The following MAML1 variants were observed in gnomAD, a reference collection of about 807,000 sequenced individuals.
The protein encoded by MAML1 is mastermind like transcriptional coactivator 1, also known as mastermind-like protein 1.
A neutral mutation model predicts 77.1 loss-of-function variants in MAML1; 14 were observed. That is an observed-to-expected ratio of 0.18 (90% CI 0.12 to 0.28). MAML1 has a LOEUF of 0.28. Ranked by LOEUF, MAML1 falls within the 10% of genes least tolerant of loss-of-function variation. The probability of loss-of-function intolerance (pLI) is 1.00; values close to 1 mark genes in which losing one functional copy is unlikely to be tolerated. For synonymous variants in MAML1, 516 were observed against 551.9 expected (o/e 0.93, Z 0.91); for missense variants, 1,217 against 1,327.8 (o/e 0.92, Z 1.30).
intron 1 of MAML1, among the ~76,000 whole-genome samples, chr5:179,762,502 A>G (rs1779742179): frequency 1.3e-5 from 2 of 152,108 alleles, no homozygotes; most frequent in South Asian, 4.2e-4. Context: ...TGATCATATT[A>G]TCTCCCAGGA....
chr5:179,751,322 C>G (rs1221403062), intron 1 of MAML1, among the ~76,000 whole-genome samples: 4 of 152,184 alleles, frequency 2.6e-5, no homozygotes, highest in Non-Finnish European at 4.4e-5. Context: ...TCAGCCAGGT[C>G]AGGTTCTTAA....
chr5:179,743,669 C>T (rs1779326625), intron 1 of MAML1, among the ~76,000 whole-genome samples: 1 of 151,974 alleles, frequency 6.6e-6, no homozygotes, highest in Non-Finnish European at 1.5e-5. Context: ...CCGGCCCTCG[C>T]TCACACATTT....
chr5:179,766,130 C>A lies in MAML1; in HGVS notation c.1120C>A (p.Gln374Lys), dbSNP rs1240453900. Residue 374 changes from glutamine (Q) to lysine (K), a missense_variant, in exon 2 of 5, where the codon CAA becomes AAA. Gln to Lys is a moderately conservative substitution (Grantham distance 53). Transcript: ENST00000292599. This position sits in a 1 kb window ranked among gnomAD's most constrained non-coding sequence, Gnocchi z 4.0. ...GGCATCAGCCCAGGCCCAGAACGCA[C>A]AAAGAGCCCTTGCAGGTGTGGTATT... ...MPASAQAQNAQRALAGVVLPS... is the reference protein window; with the variant it reads ...MPASAQAQNAKRALAGVVLPS... The A allele has an allele frequency of 1.9e-6, 3 of 1,575,306 alleles. No individual in the cohort carries two copies. The East Asian group carries it at 6.7e-5, about 35-fold the overall frequency.
chr5:179,774,590 A>G lies in MAML1; in HGVS notation c.2764A>G (p.Thr922Ala). The G allele has an allele frequency of 6.2e-7, 1 of 1,612,352 alleles. No homozygotes were observed. The highest frequency in any genetic ancestry group is 8.5e-7 in the Non-Finnish European group (1 of 1,179,742). ...TSAPAPAPPP[T>A]APQQGLPGLS... ...CGCCCCTGCCCCAGCACCACCCCCA[A>G]CAGCCCCTCAGCAGGGCTTGCCTGG... The change falls in exon 5 of 5, where the codon ACA (threonine) becomes GCA (alanine). Residue 922 changes from threonine (T) to alanine (A), a missense_variant. By Grantham distance (58) the Thr-to-Ala change is moderately conservative (BLOSUM62 0). Transcript: ENST00000292599.
chr5:179,766,817 T>C lies in MAML1; in HGVS notation c.1731+76T>C, dbSNP rs1453229772. On this transcript the variant is annotated intron_variant, in intron 2 of 4. Coordinates refer to ENST00000292599, the MANE Select transcript of MAML1 (RefSeq NM_014757.5). The surrounding 1 kb of genome is among the most constrained non-coding windows in gnomAD (Gnocchi z 4.0). ...GGTTACTCACTACTTTGGATGTTAA[T>C]TGGATCCGAGGTAGTTGTGGGAAGA... 11 of 1,260,086 alleles carry C rather than the reference T, an allele frequency of 8.7e-6. No individual in the cohort carries two copies. The East Asian group carries it at 2.8e-4, about 32-fold the overall frequency. The allele number at this position is 1,260,086 out of a possible 1,614,324, so 78.1% of individuals were successfully genotyped here.
chr5:179,735,055 G>A (rs1019244516), intron 1 of MAML1, among the ~76,000 whole-genome samples: 4 of 152,114 alleles, frequency 2.6e-5, no homozygotes, highest in East Asian at 1.9e-4. Flanking sequence ...GGATAGCATT[G>A]GGAGATATAC....
At chr5:179,746,089 A>G (rs1344099796) in intron 1 of MAML1, among the ~76,000 whole-genome samples, 1 of 151,422 alleles carries the variant, frequency 6.6e-6, no homozygotes, top group Non-Finnish European at 1.5e-5. Flanking sequence ...CACACCTGTA[A>G]TCCCAGCACT....
intron 1 of MAML1, among the ~76,000 whole-genome samples, chr5:179,750,930 CG>C (rs1478129634): frequency 2.1e-4 from 32 of 152,176 alleles, no homozygotes; most frequent in Non-Finnish European, 1.2e-4. Context: ...CGGCAGGTCC[CG>C]GGGGCTTCCC....
At chr5:179,740,237 G>A (rs896124013) in intron 1 of MAML1, among the ~76,000 whole-genome samples, 3 of 152,164 alleles carry the variant, frequency 2.0e-5, no homozygotes, top group Non-Finnish European at 4.4e-5. Context: ...ACCAGATCAA[G>A]TGCAGTAGGA....
chr5:179,751,140 A>AT (rs2113351815), intron 1 of MAML1, among the ~76,000 whole-genome samples: 1 of 151,980 alleles, frequency 6.6e-6, no homozygotes, highest in East Asian at 2.0e-4. Flanking sequence ...TGCGTAGCTA[A>AT]TTTTTTATTT....
At position 179,732,894 on chromosome 5, in the gene MAML1, G is replaced by C. The variant is rs1779090292; in HGVS notation, c.-219G>C. On this transcript the variant is annotated 5_prime_UTR_variant, in exon 1 of 5. Coordinates refer to ENST00000292599, the MANE Select transcript of MAML1 (RefSeq NM_014757.5). ...GAAAACAATGGGGCCGGGGCGGTGG[G>C]GAGAGGCCGAGGCTTGAGGTAGGCA... 1 of 272,600 alleles carries C rather than the reference G, an allele frequency of 3.7e-6. No individual in the cohort carries two copies. 16.9% of individuals were successfully genotyped at this position (272,600 alleles called of 1,614,324 possible).
chr5:179,749,561 G>A (rs1181394189), intron 1 of MAML1, among the ~76,000 whole-genome samples: 1 of 152,100 alleles, frequency 6.6e-6, no homozygotes, highest in African/African-American at 2.4e-5. Flanking sequence ...GTGCCTGGCC[G>A]AAAAAGGTTT....
intron 1 of MAML1, among the ~76,000 whole-genome samples, chr5:179,736,083 G>A (rs1424886452): frequency 2.0e-5 from 3 of 152,272 alleles, no homozygotes; most frequent in South Asian, 2.1e-4. Context: ...CTCACACTTG[G>A]GTAGTACACA....
Position 179,766,585 on chromosome 5 carries a change from T to C in MAML1, c.1575T>C (p.Cys525=). ...TKPLSHYKAD[C]GQGSPGSGQS... Reference sequence around the variant, plus strand: ...CCCTTTCTCATTACAAAGCGGACTGTGGGCAAGGCAGCCCGGGGTCTGGCC... The same window carrying C: ...CCCTTTCTCATTACAAAGCGGACTGCGGGCAAGGCAGCCCGGGGTCTGGCC... Residue 525 remains cysteine (C), a synonymous_variant, in exon 2 of 5, where the codon TGT becomes TGC. Coordinates refer to ENST00000292599, the MANE Select transcript of MAML1 (RefSeq NM_014757.5). This position sits in a 1 kb window ranked among gnomAD's most constrained non-coding sequence, Gnocchi z 4.0. The C allele has an allele frequency of 6.2e-7, 1 of 1,612,118 alleles. No individual in the cohort carries two copies. The highest frequency in any genetic ancestry group is 1.7e-5 in the Admixed American group (1 of 59,794).
At chr5:179,764,472 C>A (rs994181441) in intron 1 of MAML1, among the ~76,000 whole-genome samples, 1 of 151,990 alleles carries the variant, frequency 6.6e-6, no homozygotes, top group Non-Finnish European at 1.5e-5. Flanking sequence ...ACCAGTCTGA[C>A]CAACATGGAG....
At chr5:179,740,195 G>A (rs2113335543) in intron 1 of MAML1, among the ~76,000 whole-genome samples, 1 of 152,278 alleles carries the variant, frequency 6.6e-6, no homozygotes, top group East Asian at 1.9e-4. Flanking sequence ...CAGAAAGCAG[G>A]CCAGTGTGTC....
intron 1 of MAML1, among the ~76,000 whole-genome samples, chr5:179,741,047 A>G (rs1253597195): frequency 6.6e-6 from 1 of 152,130 alleles, no homozygotes; most frequent in African/African-American, 2.4e-5. Flanking sequence ...GGACATTTTC[A>G]TCTTTCCAGG....
chr5:179,743,691 C>G (rs1779326788), intron 1 of MAML1, among the ~76,000 whole-genome samples: 1 of 151,968 alleles, frequency 6.6e-6, no homozygotes, highest in Non-Finnish European at 1.5e-5. Flanking sequence ...TAAGTTGACA[C>G]CTAGCACTTT....
At position 179,733,189 on chromosome 5, in the gene MAML1, G is replaced by A. The variant is rs1172559168; in HGVS notation, c.77G>A (p.Arg26His). 1 of 1,473,480 alleles carries A rather than the reference G, an allele frequency of 6.8e-7. No homozygotes were observed. Among genetic ancestry groups the A allele is most frequent in the Non-Finnish European group, 9.0e-7 (1 of 1,115,622 alleles). 91.3% of individuals were successfully genotyped at this position (1,473,480 alleles called of 1,614,324 possible). Residue 26 changes from arginine to histidine, a missense_variant, in exon 1 of 5, where the codon CGC (arginine) becomes CAC (histidine). This residue lies in a region of MAML1 where 312 missense variants were observed against 331.4 expected (regional missense o/e 0.94). Coordinates refer to ENST00000292599, the MANE Select transcript of MAML1 (RefSeq NM_014757.5). ...HSAVMERLRR[R>H]IELCRRHHST... ...GCGGTCATGGAGCGCCTTCGCCGGCGCATCGAGCTGTGCCGGCGCCACCAC... is the reference window on the plus strand; with the variant it reads ...GCGGTCATGGAGCGCCTTCGCCGGCACATCGAGCTGTGCCGGCGCCACCAC...
Sources: gnomAD v4.1 joint callset for allele counts (sites outside exome capture counted in the v4.1 genomes callset) on GRCh38, gnomAD v4.1.1 for gene constraint, gnomAD v4.1.1 regional missense constraint, Gnocchi (gnomAD v3.1) non-coding constraint, MANE v1.5 for transcripts, NCBI Gene and HGNC (gene_info 2026-07-23, HGNC 2026-07-21) for gene names.